GNAZ: variants seen among roughly 807,000 people sequenced by gnomAD.
GNAZ encodes the protein guanine nucleotide-binding protein G(z) subunit alpha.
GNAZ carries 3 observed loss-of-function variants against 25.4 expected under a neutral mutation model. That is an observed-to-expected ratio of 0.12 (90% CI 0.05 to 0.30). The LOEUF (loss-of-function observed/expected upper bound fraction) is 0.30. GNAZ is among the 10% of genes least tolerant of loss of function. The pLI is 1.00. For missense variants in GNAZ, 241 were observed against 501.8 expected (o/e 0.48, Z 4.97); for synonymous variants, 211 against 205.7 (o/e 1.03, Z -0.22).
At chr22:23,115,997 C>T (rs1051677443) in intron 2 of GNAZ, among the ~76,000 whole-genome samples, 4 of 152,228 alleles carry the variant, frequency 2.6e-5, no homozygotes, top group African/African-American at 7.2e-5. Flanking sequence ...CAGGAAGGTG[C>T]CGCGCATGTG....
intron 1 of GNAZ, among the ~76,000 whole-genome samples, chr22:23,078,347 A>G (rs755932582): frequency 6.6e-6 from 1 of 152,162 alleles, no homozygotes; most frequent in Non-Finnish European, 1.5e-5. Flanking sequence ...TTCCTCTATG[A>G]TAACACCACG....
At chr22:23,100,783 G>C (rs1469076101) in intron 2 of GNAZ, among the ~76,000 whole-genome samples, 5 of 152,196 alleles carry the variant, frequency 3.3e-5, no homozygotes, top group Non-Finnish European at 5.9e-5. Flanking sequence ...TGGCTTCTGG[G>C]TGCAGAGCAG....
intron 2 of GNAZ, 74 bp downstream of exon 2, chr22:23,096,492 G>T: frequency 1.4e-6 from 2 of 1,431,526 alleles, no homozygotes; most frequent in Non-Finnish European, 1.9e-6. Flanking sequence ...GACTCGTGAG[G>T]TCCAGGACAG....
chr22:23,071,505 C>G lies in GNAZ; in HGVS notation c.-450+935C>G, dbSNP rs1201590693. Among the ~76,000 whole-genome samples, 28 of 152,224 alleles carry G rather than the reference C, an allele frequency of 1.8e-4. No homozygotes were observed. The highest frequency in any genetic ancestry group is 1.8e-3 in the Admixed American group (28 of 15,290). ...CGGCTCCTTTCTGCCCAAGTGATTT[C>G]CCTGCCCTGGGGATTGAGCTCTCTG... is the stretch of plus-strand genomic sequence containing the variant. On this transcript the variant is annotated intron_variant, in intron 1 of 2. Transcript: ENST00000615612. The surrounding 1 kb of genome is among the most constrained non-coding windows in gnomAD (Gnocchi z 4.1).
chr22:23,123,641 A>G lies in GNAZ; in HGVS notation c.*210A>G, dbSNP rs141494247. The G allele has an allele frequency of 2.2e-3, 1,310 of 584,030 alleles. 11 individuals carry two copies. Among genetic ancestry groups the G allele is most frequent in the African/African-American group, 0.02 (1,092 of 53,760 alleles). The allele number at this position is 584,030 out of a possible 1,614,324, so 36.2% of individuals were successfully genotyped here. ...GGTAGATAGACACACACACATGCAC[A>G]CACACACATCTGGAGATGGCAAAAT... On this transcript the variant is annotated 3_prime_UTR_variant, in exon 3 of 3. Coordinates refer to ENST00000615612, the MANE Select transcript of GNAZ (RefSeq NM_002073.4).
intron 2 of GNAZ, among the ~76,000 whole-genome samples, chr22:23,119,335 C>T (rs1171832486): frequency 6.6e-6 from 1 of 152,228 alleles, no homozygotes; most frequent in Non-Finnish European, 1.5e-5. Context: ...CTTTCAGACC[C>T]AAATATGAGG....
At position 23,095,995 on chromosome 22, in the gene GNAZ, C is replaced by T. The variant is rs142054245; in HGVS notation, c.300C>T (p.Arg100=). ...GGATCGACTTCCACAACCCCGACCG[C>T]GCCTACGACGCTGTGCAGCTCTTTG... ...ALRIDFHNPD[R]AYDAVQLFAL... Residue 100 remains arginine, a synonymous_variant, in exon 2 of 3, where the codon CGC becomes CGT. Transcript: ENST00000615612. 9.3e-6 allele frequency: 15 copies of T among 1,609,098 alleles called. No homozygotes were observed. Among genetic ancestry groups the T allele is most frequent in the South Asian group, 5.5e-5 (5 of 91,088 alleles).
chr22:23,091,280 T>G (rs2068965163), intron 1 of GNAZ, among the ~76,000 whole-genome samples: 1 of 152,072 alleles, frequency 6.6e-6, no homozygotes, highest in African/African-American at 2.4e-5. Flanking sequence ...GCACCTGCAC[T>G]CTCACAGACA....
intron 2 of GNAZ, among the ~76,000 whole-genome samples, chr22:23,107,072 G>A (rs944866173): frequency 6.6e-6 from 1 of 152,276 alleles, no homozygotes; most frequent in African/African-American, 2.4e-5. Flanking sequence ...GGCCATTAGG[G>A]CCTGAGCTAG....
chr22:23,100,986 A>AT (rs1269605412), intron 2 of GNAZ, among the ~76,000 whole-genome samples: 1 of 152,182 alleles, frequency 6.6e-6, no homozygotes, highest in African/African-American at 2.4e-5. Context: ...GAGTTTAAAC[A>AT]TTTGTGCCAT....
chr22:23,102,194 C>T (rs1471510748), intron 2 of GNAZ, among the ~76,000 whole-genome samples: 2 of 152,266 alleles, frequency 1.3e-5, no homozygotes, highest in African/African-American at 4.8e-5. Context: ...GGGCCTTCAG[C>T]CGCTCTGAGC....
At chr22:23,094,046 G>A (rs1003243173) in intron 1 of GNAZ, among the ~76,000 whole-genome samples, 1 of 152,210 alleles carries the variant, frequency 6.6e-6, no homozygotes, top group African/African-American at 2.4e-5. Context: ...TCAGATGCTG[G>A]TCACACCCAG....
In GNAZ at chr22:23,123,649, A is replaced by G. The variant is rs932364639; in HGVS notation, c.*218A>G. 13 of 566,076 alleles carry G rather than the reference A, an allele frequency of 2.3e-5. No homozygotes were observed. The highest frequency in any genetic ancestry group is 1.6e-4 in the South Asian group (7 of 43,782). 35.1% of individuals were successfully genotyped at this position (566,076 alleles called of 1,614,324 possible). A position where few individuals can be genotyped will look rare whatever the true frequency, so the allele number is the denominator to read the frequency against. On this transcript the variant is annotated 3_prime_UTR_variant, in exon 3 of 3. Transcript: ENST00000615612. Reference sequence around the variant, plus strand: ...GACACACACACATGCACACACACACATCTGGAGATGGCAAAATCCTCTAAA... The same window carrying G: ...GACACACACACATGCACACACACACGTCTGGAGATGGCAAAATCCTCTAAA...
intron 1 of GNAZ, among the ~76,000 whole-genome samples, chr22:23,093,453 G>A (rs560634710): frequency 5.9e-5 from 9 of 152,200 alleles, no homozygotes; most frequent in Admixed American, 1.3e-4. Context: ...CTCCTCACCC[G>A]CACTCTGGCT....
In GNAZ at chr22:23,096,301, G is replaced by C. The variant is rs201266285; in HGVS notation, c.606G>C (p.Val202=). The C allele has an allele frequency of 4.3e-5, 69 of 1,613,856 alleles. No individual in the cohort carries two copies. In the East Asian group the frequency reaches 1.2e-3, roughly 28 times the overall value. ...AGCTCACCTTCAAGATGGTGGACGT[G>C]GGGGGGCAGAGGTCAGAGCGCAAAA... ...FKELTFKMVD[V]GGQRSERKKW... The change falls in exon 2 of 3, where the codon GTG becomes GTC. Residue 202 remains valine (V), a synonymous_variant. Coordinates refer to ENST00000615612, the MANE Select transcript of GNAZ (RefSeq NM_002073.4).
chr22:23,114,026 C>T (rs1396475372), intron 2 of GNAZ, among the ~76,000 whole-genome samples: 1 of 152,204 alleles, frequency 6.6e-6, no homozygotes, highest in Non-Finnish European at 1.5e-5. Context: ...GGGTGAGAGG[C>T]TTGGCCGGTA....
chr22:23,109,033 T>C (rs949087996), intron 2 of GNAZ, among the ~76,000 whole-genome samples: 3 of 152,238 alleles, frequency 2.0e-5, no homozygotes, highest in Non-Finnish European at 4.4e-5. Flanking sequence ...CTCAGCTCCA[T>C]ATCCGATGTG....
At position 23,071,537 on chromosome 22, in the gene GNAZ, G is replaced by T. The variant is rs958441994; in HGVS notation, c.-450+967G>T. On this transcript the variant is annotated intron_variant, in intron 1 of 2. Transcript: ENST00000615612. The surrounding 1 kb of genome is among the most constrained non-coding windows in gnomAD (Gnocchi z 4.1). The stretch of plus-strand genomic sequence containing the variant: ...CTGGGGATTGAGCTCTCTGGAGAAG[G>T]CTCCTTGGCCAAATTCAATTAAGCA... Among the ~76,000 whole-genome samples, 3 of 152,226 alleles carry T rather than the reference G, an allele frequency of 2.0e-5. No individual in the cohort carries two copies. The highest frequency in any genetic ancestry group is 2.9e-5 in the Non-Finnish European group (2 of 68,042).
At chr22:23,084,021 C>T (rs946876018) in intron 1 of GNAZ, among the ~76,000 whole-genome samples, 3 of 152,078 alleles carry the variant, frequency 2.0e-5, no homozygotes, top group African/African-American at 7.2e-5. Context: ...AACCTTGCTT[C>T]TTGTGGAGTT....
Sources: allele counts gnomAD v4.1 joint callset (sites outside exome capture counted in the v4.1 genomes callset), GRCh38; gene constraint gnomAD v4.1.1; non-coding constraint Gnocchi (gnomAD v3.1); transcripts MANE v1.5; gene names NCBI Gene and HGNC (gene_info 2026-07-23, HGNC 2026-07-21).